The following PARP8 variants were observed in gnomAD, a reference collection of about 807,000 sequenced individuals.
PARP8 encodes poly(ADP-ribose) polymerase family member 8.
PARP8 carries 51 observed loss-of-function variants against 124.1 expected under a neutral mutation model. That is an observed-to-expected ratio of 0.41 (90% CI 0.33 to 0.52). The LOEUF is 0.52. Ranked by LOEUF, PARP8 falls within the 20% of genes least tolerant of loss-of-function variation. The probability of loss-of-function intolerance (pLI) is 0.21; values close to 1 mark genes in which losing one functional copy is unlikely to be tolerated. For missense variants in PARP8, 860 were observed against 1,018.9 expected (o/e 0.84, Z 2.12); for synonymous variants, 391 against 361.5 (o/e 1.08, Z -0.93).
At chr5:50,763,393 C>T (rs1186824726) in intron 7 of PARP8, 151 bp downstream of exon 7, 1 of 576,664 alleles carries the variant, frequency 1.7e-6, no homozygotes, top group Non-Finnish European at 3.1e-6. Flanking sequence ...CACAAAATGA[C>T]ATATTTATGG....
intron 14 of PARP8, among the ~76,000 whole-genome samples, chr5:50,805,391 G>A (rs1561406818): frequency 6.6e-6 from 1 of 151,940 alleles, no homozygotes; most frequent in Non-Finnish European, 1.5e-5. Flanking sequence ...AACTCTTGTG[G>A]TTTAGGTACT....
chr5:50,667,300 C>A, intron 1 of PARP8, 114 bp downstream of exon 1: 4 of 1,086,568 alleles, frequency 3.7e-6, no homozygotes, highest in Non-Finnish European at 4.1e-6. Context: ...TTCTGGGGTT[C>A]ATTTGGCAAC....
At chr5:50,727,454 T>TTAGGTA (rs1756542837) in intron 2 of PARP8, among the ~76,000 whole-genome samples, 1 of 152,216 alleles carries the variant, frequency 6.6e-6, no homozygotes, top group South Asian at 2.1e-4. Context: ...GTATGTCAAC[T>TTAGGTA]GCTTTGATCC....
Position 50,829,968 on chromosome 5 carries a change from C to T in PARP8, c.2233+7C>T, listed in dbSNP as rs2149714791. 6.2e-7 allele frequency: 1 copy of T among 1,601,582 alleles called. No individual in the cohort carries two copies. Among genetic ancestry groups the T allele is most frequent in the Non-Finnish European group, 8.5e-7 (1 of 1,173,212 alleles). ...ATATCATTTGGTTACTCAGGTAATTCCTGTATTTCATTTCTAAAGTCACAT... is the reference window on the plus strand; with the variant it reads ...ATATCATTTGGTTACTCAGGTAATTTCTGTATTTCATTTCTAAAGTCACAT... On this transcript the variant is annotated splice_region_variant and intron_variant, in intron 22 of 25. Transcript: ENST00000281631.
intron 21 of PARP8, 68 bp downstream of exon 21, chr5:50,828,452 G>T: frequency 7.1e-7 from 1 of 1,399,860 alleles, no homozygotes; most frequent in East Asian, 2.3e-5. Flanking sequence ...AAGCAACCCT[G>T]TTGTTAGGTT....
rs963862881 is a variant in PARP8 at position 50,843,469 on chromosome 5, T to A, written c.*1401T>A. The A allele has an allele frequency of 6.6e-6, 1 of 151,824 alleles. No homozygotes were observed. Among genetic ancestry groups the A allele is most frequent in the Non-Finnish European group, 1.5e-5 (1 of 67,850 alleles). The allele number at this position is 151,824 out of a possible 1,614,324, so 9.4% of individuals were successfully genotyped here. On this transcript the variant is annotated 3_prime_UTR_variant, in exon 26 of 26. Transcript: ENST00000281631. ...GGCATAAAAGGTGAGAAAAAGGTCA[T>A]ACATGTTGTTAAGGGTAGCAGTTTA...
intron 8 of PARP8, among the ~76,000 whole-genome samples, 178 bp downstream of exon 8, chr5:50,778,307 T>C (rs1172493397): frequency 6.6e-6 from 1 of 152,214 alleles, no homozygotes; most frequent in African/African-American, 2.4e-5. Flanking sequence ...TGTAAACATA[T>C]ATTTGCATTG....
rs1165533625 is a variant in PARP8, at chr5:50,843,196, C to G, written c.*1128C>G. The G allele has an allele frequency of 6.6e-6, 1 of 151,608 alleles. No individual in the cohort carries two copies. The highest frequency in any genetic ancestry group is 2.4e-5 in the African/African-American group (1 of 41,332). 9.4% of individuals were successfully genotyped at this position (151,608 alleles called of 1,614,324 possible). A position where few individuals can be genotyped will look rare whatever the true frequency, so the allele number is the denominator to read the frequency against. ...TCCTTTTCAAGAGTCATAATTTCAT[C>G]AAAATCATTTCTTATTCTTTGAGTC... On this transcript the variant is annotated 3_prime_UTR_variant, in exon 26 of 26. Transcript: ENST00000281631.
intron 5 of PARP8, among the ~76,000 whole-genome samples, chr5:50,760,949 C>T (rs2149576824): frequency 6.6e-6 from 1 of 152,250 alleles, no homozygotes; most frequent in Non-Finnish European, 1.5e-5. Flanking sequence ...GTTAGTGTTG[C>T]ACCATTCATT....
intron 2 of PARP8, among the ~76,000 whole-genome samples, chr5:50,745,637 C>T (rs1758464628): frequency 6.6e-6 from 1 of 152,148 alleles, no homozygotes; most frequent in Non-Finnish European, 1.5e-5. Context: ...GAATTAAGGC[C>T]TCATTTTGGA....
At chr5:50,722,591 C>T (rs1274979639) in intron 2 of PARP8, among the ~76,000 whole-genome samples, 1 of 152,058 alleles carries the variant, frequency 6.6e-6, no homozygotes, top group Non-Finnish European at 1.5e-5. Flanking sequence ...TACCTAATGT[C>T]ATATCAGAAT....
chr5:50,685,158 G>A (rs1241652966), intron 2 of PARP8, among the ~76,000 whole-genome samples: 3 of 152,196 alleles, frequency 2.0e-5, no homozygotes, highest in Non-Finnish European at 4.4e-5. Flanking sequence ...CCCATGCATG[G>A]AAAACTGCAC....
At chr5:50,755,658 A>G (rs1312913305) in intron 3 of PARP8, among the ~76,000 whole-genome samples, 2 of 152,218 alleles carry the variant, frequency 1.3e-5, no homozygotes, top group South Asian at 2.1e-4. Flanking sequence ...TGACTTGGCA[A>G]TGCAGGCTGT....
At chr5:50,670,502 T>C (rs1411203878) in intron 2 of PARP8, among the ~76,000 whole-genome samples, 3 of 152,274 alleles carry the variant, frequency 2.0e-5, no homozygotes, top group African/African-American at 7.2e-5. Flanking sequence ...ATTTATACTT[T>C]TAATTTTTCT....
At chr5:50,773,572 T>C (rs2149599521) in intron 7 of PARP8, among the ~76,000 whole-genome samples, 1 of 152,312 alleles carries the variant, frequency 6.6e-6, no homozygotes, top group South Asian at 2.1e-4. Flanking sequence ...TTGGTTACTA[T>C]AGCTTTGTAA....
At chr5:50,744,911 A>T in intron 2 of PARP8, 1 of 607,290 alleles carries the variant, frequency 1.6e-6, no homozygotes, top group Non-Finnish European at 2.9e-6. Flanking sequence ...TACAGCACAT[A>T]CTAACAGTAC....
chr5:50,718,692 TACC>T (rs1373370910), intron 2 of PARP8, among the ~76,000 whole-genome samples: 1 of 152,078 alleles, frequency 6.6e-6, no homozygotes, highest in African/African-American at 2.4e-5. Flanking sequence ...TGTGTATCTG[TACC>T]ACATTTTCTT....
intron 2 of PARP8, among the ~76,000 whole-genome samples, chr5:50,705,836 C>CATAAG (rs1161247442): frequency 6.6e-6 from 1 of 151,918 alleles, no homozygotes; most frequent in African/African-American, 2.4e-5. Context: ...TCATCATAAA[C>CATAAG]TACTTATACT....
At chr5:50,700,188 GA>G (rs1753446612) in intron 2 of PARP8, among the ~76,000 whole-genome samples, 1 of 152,080 alleles carries the variant, frequency 6.6e-6, no homozygotes, top group Non-Finnish European at 1.5e-5. Context: ...TCAGCTTCTG[GA>G]AAAAGTAATT....
Sources: allele counts gnomAD v4.1 joint callset (sites outside exome capture counted in the v4.1 genomes callset), GRCh38; gene constraint gnomAD v4.1.1; transcripts MANE v1.5; gene names NCBI Gene and HGNC (gene_info 2026-07-23, HGNC 2026-07-21).